The following LARP1 variants were observed in gnomAD, a reference collection of about 807,000 sequenced individuals.
The protein encoded by LARP1 is La ribonucleoprotein 1, translational regulator.
Under a neutral mutation model 122.7 loss-of-function variants are expected in LARP1, and 36 were observed. The observed-to-expected ratio is 0.29, with a 90% confidence interval of 0.22 to 0.39. The LOEUF is 0.39. Among genes scored for constraint, LARP1 ranks in the 10% least tolerant of loss-of-function variants. The probability of loss-of-function intolerance (pLI) is 1.00; values close to 1 mark genes in which losing one functional copy is unlikely to be tolerated. For missense variants in LARP1, 1,040 were observed against 1,403.6 expected (o/e 0.74, Z 4.14); for synonymous variants, 539 against 528.7 (o/e 1.02, Z -0.27).
intron 18 of LARP1, among the ~76,000 whole-genome samples, chr5:154,813,574 T>C (rs1759455645): frequency 6.6e-6 from 1 of 152,144 alleles, no homozygotes; most frequent in Admixed American, 6.5e-5. Flanking sequence ...TAGACCTAAA[T>C]TTTGTCTTTA....
chr5:154,722,704 G>A (rs1283433832), intron 1 of LARP1, among the ~76,000 whole-genome samples: 2 of 142,552 alleles, frequency 1.4e-5, no homozygotes, highest in African/African-American at 2.6e-5. Context: ...TTTTTGAGAC[G>A]GAGTCTCACT....
At chr5:154,721,174 C>T (rs547292971) in intron 1 of LARP1, among the ~76,000 whole-genome samples, 5 of 151,854 alleles carry the variant, frequency 3.3e-5, no homozygotes, top group African/African-American at 4.8e-5. Flanking sequence ...GCAACCTCGT[C>T]TCTAAAAATA....
intron 1 of LARP1, among the ~76,000 whole-genome samples, chr5:154,787,601 G>T (rs976765339): frequency 2.6e-5 from 4 of 152,162 alleles, no homozygotes; most frequent in African/African-American, 9.7e-5. Context: ...ATGAATTTTA[G>T]ATTTTAAAGG....
At chr5:154,730,489 C>A (rs575395181) in intron 1 of LARP1, among the ~76,000 whole-genome samples, 1 of 132,238 alleles carries the variant, frequency 7.6e-6, no homozygotes, top group Non-Finnish European at 1.6e-5. Context: ...TTTTTTTTTT[C>A]GAGACGTTGT....
At chr5:154,697,580 T>A (rs1236920566) in intron 1 of LARP1, among the ~76,000 whole-genome samples, 1 of 152,206 alleles carries the variant, frequency 6.6e-6, no homozygotes, top group African/African-American at 2.4e-5. Flanking sequence ...TATTCAGCCA[T>A]AACAGGGAAT....
chr5:154,708,062 G>A (rs568406419), upstream of LARP1, among the ~76,000 whole-genome samples: 101 of 152,220 alleles, frequency 6.6e-4, no homozygotes, highest in Non-Finnish European at 9.6e-4. Context: ...AATGGGTCGC[G>A]GATCCATTCC....
Position 154,814,293 on chromosome 5 carries a change from T to TC in LARP1, c.*202dup. ...CTGGGCAGGAGCCTCTACATCCCCTTCCCCCTCCTCTCTCCATGACTCTTG... is the reference window on the plus strand; with the variant it reads ...CTGGGCAGGAGCCTCTACATCCCCTTCCCCCCTCCTCTCTCCATGACTCTTG... On this transcript the variant is annotated 3_prime_UTR_variant, in exon 19 of 19. Coordinates refer to ENST00000518297, the MANE Select transcript of LARP1 (RefSeq NM_033551.3). 1 of 522,128 alleles carries TC rather than the reference T, an allele frequency of 1.9e-6. No homozygotes were observed. The allele number at this position is 522,128 out of a possible 1,614,324, so 32.3% of individuals were successfully genotyped here. A position where few individuals can be genotyped will look rare whatever the true frequency, so the allele number is the denominator to read the frequency against.
intron 8 of LARP1, among the ~76,000 whole-genome samples, chr5:154,798,650 T>C (rs1561619832): frequency 6.6e-6 from 1 of 152,096 alleles, no homozygotes; most frequent in Non-Finnish European, 1.5e-5. Flanking sequence ...CACAGATGTA[T>C]GCCAGCGCCA....
At chr5:154,745,047 C>A (rs555858817) in intron 1 of LARP1, among the ~76,000 whole-genome samples, 6 of 152,060 alleles carry the variant, frequency 3.9e-5, no homozygotes, top group Non-Finnish European at 8.8e-5. Context: ...CTGCCTCAGC[C>A]TCCCGCATAG....
intron 1 of LARP1, among the ~76,000 whole-genome samples, chr5:154,698,656 A>T (rs1754583635): frequency 6.6e-6 from 1 of 152,218 alleles, no homozygotes; most frequent in Admixed American, 6.5e-5. Flanking sequence ...AACTCTGTTA[A>T]TATACTAAAA....
At chr5:154,784,607 C>G (rs1756738703) in intron 1 of LARP1, among the ~76,000 whole-genome samples, 2 of 152,228 alleles carry the variant, frequency 1.3e-5, no homozygotes, top group South Asian at 4.1e-4. Context: ...GTCACCCACT[C>G]TGGGTCCTGA....
chr5:154,803,822 C>A lies in LARP1; in HGVS notation c.2439+77C>A. The A allele has an allele frequency of 7.0e-7, 1 of 1,421,056 alleles. No homozygotes were observed. Among genetic ancestry groups the A allele is most frequent in the Non-Finnish European group, 9.8e-7 (1 of 1,015,974 alleles). The allele number at this position is 1,421,056 out of a possible 1,614,324, so 88.0% of individuals were successfully genotyped here. ...TCCAGTGCTTTGCTTCTCTCCCTTG[C>A]CTTGTCTGAGCTAAGGAAGTGCTAA... On this transcript the variant is annotated intron_variant, in intron 13 of 18. Transcript: ENST00000518297. The surrounding 1 kb of genome is among the most constrained non-coding windows in gnomAD (Gnocchi z 4.4).
rs147266981 is a variant in LARP1 at position 154,691,376 on chromosome 5, C to T, written c.-180+8339C>T. ...TGACCTTGGGCCAGTCGCTTCCCCT[C>T]TCTGGGCCGCGGAGGTTAAAACTGG... is the stretch of plus-strand genomic sequence containing the variant. On this transcript the variant is annotated intron_variant, in intron 1 of 18. Coordinates refer to the LARP1 transcript ENST00000687700. 7.0e-3 allele frequency among the ~76,000 whole-genome samples: 1,065 copies of T among 152,346 alleles called. 15 individuals are homozygous for T. The highest frequency in any genetic ancestry group is 0.024 in the African/African-American group (994 of 41,588).
At chr5:154,738,210 A>G (rs1408347479) in intron 1 of LARP1, among the ~76,000 whole-genome samples, 1 of 152,200 alleles carries the variant, frequency 6.6e-6, no homozygotes, top group Admixed American at 6.5e-5. Flanking sequence ...ATCTCACCAC[A>G]CTGAATATCA....
chr5:154,737,987 C>T (rs553032692), intron 1 of LARP1, among the ~76,000 whole-genome samples: 2 of 152,266 alleles, frequency 1.3e-5, no homozygotes, highest in African/African-American at 4.8e-5. Flanking sequence ...CTCAGTTAAC[C>T]TCCTCCAGGA....
At chr5:154,703,120 CAAAA>C (rs757446137) in intron 1 of LARP1, among the ~76,000 whole-genome samples, 3 of 38,754 alleles carry the variant, frequency 7.7e-5, no homozygotes, top group Non-Finnish European at 1.0e-4. Context: ...GACGCTGTCT[CAAAA>C]AAAAAAAAAA....
Position 154,803,150 on chromosome 5 carries a change from T to C in LARP1, c.2110-140T>C. 8.9e-7 allele frequency: 1 copy of C among 1,117,594 alleles called. No homozygotes were observed. The highest frequency in any genetic ancestry group is 1.3e-6 in the Non-Finnish European group (1 of 761,062). The allele number at this position is 1,117,594 out of a possible 1,614,324, so 69.2% of individuals were successfully genotyped here. The stretch of plus-strand genomic sequence containing the variant: ...GGGTGAGGAATGGTGACTGGGCAGC[T>C]GAGAGCCTGGGGACCAGAATTCCAC... On this transcript the variant is annotated intron_variant, in intron 11 of 18. Coordinates refer to ENST00000518297, the MANE Select transcript of LARP1 (RefSeq NM_033551.3). This position sits in a 1 kb window ranked among gnomAD's most constrained non-coding sequence, Gnocchi z 4.4.
At chr5:154,743,941 G>C (rs1488509955) in intron 1 of LARP1, among the ~76,000 whole-genome samples, 1 of 152,136 alleles carries the variant, frequency 6.6e-6, no homozygotes, top group Non-Finnish European at 1.5e-5. Context: ...GTATACTTTG[G>C]CTCAAGTGAT....
At chr5:154,761,746 G>A (rs552996385) in intron 1 of LARP1, among the ~76,000 whole-genome samples, 1 of 152,266 alleles carries the variant, frequency 6.6e-6, no homozygotes, top group Non-Finnish European at 1.5e-5. Flanking sequence ...GAAAACATGG[G>A]AAACAGCACA....
Sources: allele counts gnomAD v4.1 joint callset (sites outside exome capture counted in the v4.1 genomes callset), GRCh38; gene constraint gnomAD v4.1.1; non-coding constraint Gnocchi (gnomAD v3.1); transcripts MANE v1.5; gene names NCBI Gene and HGNC (gene_info 2026-07-23, HGNC 2026-07-21).